Variants in CRISPLD2 observed in about 807,000 individuals in gnomAD.
CRISPLD2 encodes cysteine rich secretory protein LCCL domain containing 2, also known as cysteine-rich secretory protein LCCL domain-containing 2.
A neutral mutation model predicts 71.1 loss-of-function variants in CRISPLD2; 47 were observed. The ratio of observed to expected loss-of-function variants is 0.66; its 90% CI spans 0.52 to 0.84. CRISPLD2 has a LOEUF of 0.84. Among genes scored for constraint, CRISPLD2 ranks in the 40% least tolerant of loss-of-function variants. The probability of loss-of-function intolerance (pLI) is 0.00; values close to 1 mark genes in which losing one functional copy is unlikely to be tolerated. For synonymous variants in CRISPLD2, 317 were observed against 250.1 expected, an observed-to-expected ratio of 1.27 and a Z score of -2.52; for missense variants, 830 against 651.1, an observed-to-expected ratio of 1.27 and a Z score of -2.99.
chr16:84,867,774 G>A (rs1416556524), intron 7 of CRISPLD2, among the ~76,000 whole-genome samples: 2 of 152,088 alleles, frequency 1.3e-5, no homozygotes, highest in African/African-American at 4.8e-5. Context: ...GTTTCCCCCT[G>A]GGACTTCCAG....
rs2071817769 is a variant in CRISPLD2, at chr16:84,907,794, T to C, written c.*1152T>C. 6.6e-6 allele frequency: 1 copy of C among 152,162 alleles called. No homozygotes were observed. Among genetic ancestry groups the C allele is most frequent in the Non-Finnish European group, 1.5e-5 (1 of 68,034 alleles). The allele number at this position is 152,162 out of a possible 1,614,324, so 9.4% of individuals were successfully genotyped here. On this transcript the variant is annotated 3_prime_UTR_variant, in exon 15 of 15. Transcript: ENST00000262424. Reference sequence around the variant, plus strand: ...ATGACAGCGAGAGATGGGAATACACTAGAAGGATCTCTTTTCCTGTTTTCG... The same window carrying C: ...ATGACAGCGAGAGATGGGAATACACCAGAAGGATCTCTTTTCCTGTTTTCG...
chr16:84,830,455 G>A (rs1395636067), intron 1 of CRISPLD2, among the ~76,000 whole-genome samples: 1 of 152,096 alleles, frequency 6.6e-6, no homozygotes, highest in Admixed American at 6.6e-5. Flanking sequence ...TGTAATCTTG[G>A]CACTTTGGGA....
intron 12 of CRISPLD2, among the ~76,000 whole-genome samples, chr16:84,878,054 C>CAAAAAAAAA (rs60773992): frequency 2.1e-5 from 2 of 97,478 alleles, no homozygotes; most frequent in Admixed American, 1.2e-4. Context: ...ACTAAAAATA[C>CAAAAAAAAA]AAAAAAAAAA....
chr16:84,825,955 T>A (rs1270434832), intron 1 of CRISPLD2, among the ~76,000 whole-genome samples: 4 of 150,042 alleles, frequency 2.7e-5, no homozygotes, highest in African/African-American at 9.8e-5. Context: ...AGACCCTGTC[T>A]CAAAAAAAAA....
At chr16:84,836,162 A>G (rs1916612600) in intron 1 of CRISPLD2, 1 of 152,224 alleles carries the variant, frequency 6.6e-6, no homozygotes, top group Non-Finnish European at 1.5e-5. Flanking sequence ...AAACATCAAC[A>G]AATTTTGTGT....
intron 13 of CRISPLD2, among the ~76,000 whole-genome samples, chr16:84,883,035 T>C (rs750604695): frequency 3.3e-5 from 5 of 152,162 alleles, no homozygotes; most frequent in Non-Finnish European, 7.3e-5. Flanking sequence ...ACCACTGTGC[T>C]CATGACAGGG....
intron 8 of CRISPLD2, among the ~76,000 whole-genome samples, chr16:84,870,836 A>C (rs1597469491): frequency 6.6e-6 from 1 of 151,796 alleles, no homozygotes; most frequent in African/African-American, 2.4e-5. Flanking sequence ...AGGCGGGTGG[A>C]TCACTTAAGG....
intron 13 of CRISPLD2, among the ~76,000 whole-genome samples, chr16:84,885,406 C>G (rs1371144616): frequency 6.6e-6 from 1 of 152,204 alleles, no homozygotes; most frequent in African/African-American, 2.4e-5. Flanking sequence ...AGTTGTGGAT[C>G]TTTCCTCCAA....
intron 5 of CRISPLD2, among the ~76,000 whole-genome samples, chr16:84,851,900 C>G (rs2641696): frequency 6.6e-6 from 1 of 151,984 alleles, no homozygotes; most frequent in African/African-American, 2.4e-5. Flanking sequence ...GTATACAGTG[C>G]GACACAGTCT....
At chr16:84,826,069 C>G (rs945904545) in intron 1 of CRISPLD2, among the ~76,000 whole-genome samples, 3 of 152,178 alleles carry the variant, frequency 2.0e-5, no homozygotes, top group African/African-American at 7.2e-5. Flanking sequence ...GGCTGGCAGT[C>G]TGTTGTAACA....
chr16:84,842,512 G>A (rs1027542140), intron 2 of CRISPLD2, among the ~76,000 whole-genome samples: 1 of 151,310 alleles, frequency 6.6e-6, no homozygotes, highest in Admixed American at 6.6e-5. Flanking sequence ...TAGCTGGAAC[G>A]ACAGGTGCGC....
At chr16:84,856,908 C>A (rs1239584697) in intron 6 of CRISPLD2, among the ~76,000 whole-genome samples, 1 of 152,214 alleles carries the variant, frequency 6.6e-6, no homozygotes, top group East Asian at 1.9e-4. Context: ...GTGGATATGG[C>A]ATTCTGTGAG....
chr16:84,873,905 T>C lies in CRISPLD2; in HGVS notation c.1113-15T>C, dbSNP rs1404221555. 1 of 1,579,790 alleles carries C rather than the reference T, an allele frequency of 6.3e-7. No homozygotes were observed. Among genetic ancestry groups the C allele is most frequent in the Non-Finnish European group, 8.5e-7 (1 of 1,170,324 alleles). On this transcript the variant is annotated splice_polypyrimidine_tract_variant and intron_variant, in intron 10 of 14. Transcript: ENST00000262424. ...TTACCTAATGCCCGTTTTTTTTTTT[T>C]TTTTTTTTAAACAGCAAATACAAAC...
chr16:84,899,359 A>AT (rs11404378), intron 14 of CRISPLD2, among the ~76,000 whole-genome samples: 27,354 of 152,206 alleles, frequency 0.18, 2,564 homozygotes, highest in Middle Eastern at 0.26. Context: ...CAAAAAGAGA[A>AT]TCAGAGGGCA....
intron 13 of CRISPLD2, among the ~76,000 whole-genome samples, chr16:84,882,347 C>CAAAAAAAA (rs80146835): frequency 0.019 from 1,482 of 76,756 alleles, 2 homozygotes; most frequent in Non-Finnish European, 0.028. Flanking sequence ...ACCAATAAAG[C>CAAAAAAAA]AAAAAAAAAA....
intron 5 of CRISPLD2, among the ~76,000 whole-genome samples, chr16:84,853,691 A>G (rs1387666076): frequency 6.6e-6 from 1 of 152,210 alleles, no homozygotes; most frequent in Non-Finnish European, 1.5e-5. Flanking sequence ...CCTGGAAAGC[A>G]TCAGAGCGTT....
chr16:84,872,180 G>T (rs1484256378), intron 8 of CRISPLD2, among the ~76,000 whole-genome samples: 1 of 152,152 alleles, frequency 6.6e-6, no homozygotes, highest in East Asian at 1.9e-4. Context: ...TTACATAAGG[G>T]ACTCGAGCAT....
intron 4 of CRISPLD2, among the ~76,000 whole-genome samples, chr16:84,849,920 C>G (rs1387854737): frequency 7.0e-6 from 1 of 142,184 alleles, no homozygotes; most frequent in South Asian, 2.3e-4. Context: ...AGAGATGGGT[C>G]TGGCTATGTT....
intron 9 of CRISPLD2, 132 bp downstream of exon 9, chr16:84,872,640 G>C (rs2071481281): frequency 2.5e-6 from 2 of 811,308 alleles, no homozygotes; most frequent in Non-Finnish European, 2.0e-6. Context: ...TCTAGAACTG[G>C]GGCGGGTGTA....
Sources: gnomAD v4.1 joint callset for allele counts (sites outside exome capture counted in the v4.1 genomes callset) on GRCh38, gnomAD v4.1.1 for gene constraint, MANE v1.5 for transcripts, NCBI Gene and HGNC (gene_info 2026-07-23, HGNC 2026-07-21) for gene names.